Variants in AGBL1 observed in about 807,000 individuals in gnomAD.
AGBL1 encodes AGBL carboxypeptidase 1, also known as cytosolic carboxypeptidase 4.
In AGBL1, 130 loss-of-function variants were observed where a neutral mutation model predicts 118.9. The ratio of observed to expected loss-of-function variants is 1.09; its 90% CI spans 0.95 to 1.26. AGBL1 has a LOEUF of 1.26. AGBL1 is among the 50% of genes most tolerant of loss of function. The probability of loss-of-function intolerance (pLI) is 0.00; values close to 1 mark genes in which losing one functional copy is unlikely to be tolerated. For missense variants in AGBL1, 1,584 were observed against 1,298.1 expected (o/e 1.22, Z -3.38); for synonymous variants, 555 against 478.9 (o/e 1.16, Z -2.08).
At chr15:86,937,019 A>G (rs1290977469) in intron 23 of AGBL1, among the ~76,000 whole-genome samples, 1 of 152,254 alleles carries the variant, frequency 6.6e-6, no homozygotes, top group East Asian at 1.9e-4. Flanking sequence ...TTTCAAAAGA[A>G]GACATACATG....
chr15:86,818,454 C>G (rs1314744912), intron 22 of AGBL1, among the ~76,000 whole-genome samples: 1 of 152,160 alleles, frequency 6.6e-6, no homozygotes, highest in Non-Finnish European at 1.5e-5. Flanking sequence ...GAATCTAATG[C>G]CTAATGCCTA....
intron 18 of AGBL1, among the ~76,000 whole-genome samples, chr15:86,440,484 G>GAAGAATAATAATAATAAT (rs137960742): frequency 2.8e-5 from 4 of 144,504 alleles, no homozygotes; most frequent in Non-Finnish European, 6.0e-5. Context: ...ATGGGATGGA[G>GAAGAATAATAATAATAAT]AATAATAATA....
At chr15:86,147,374 A>G (rs2077046796) in intron 3 of AGBL1, among the ~76,000 whole-genome samples, 1 of 152,324 alleles carries the variant, frequency 6.6e-6, no homozygotes, top group East Asian at 1.9e-4. Context: ...GGAAGCCCTG[A>G]CAGACTACCT....
At chr15:86,617,768 A>G (rs888263392) in intron 21 of AGBL1, among the ~76,000 whole-genome samples, 9 of 149,358 alleles carry the variant, frequency 6.0e-5, no homozygotes, top group East Asian at 1.9e-4. Flanking sequence ...GCGCACACAC[A>G]CACACACACA....
At chr15:86,977,357 G>A (rs59152382) in intron 23 of AGBL1, among the ~76,000 whole-genome samples, 6,073 of 150,784 alleles carry the variant, frequency 0.04, 151 homozygotes, top group Middle Eastern at 0.07. Context: ...GTAATGTGTG[G>A]TAAGTTCCTT....
chr15:86,191,369 A>AAAAG (rs1247744212), intron 5 of AGBL1, among the ~76,000 whole-genome samples: 34 of 145,140 alleles, frequency 2.3e-4, no homozygotes, highest in African/African-American at 8.7e-4. Context: ...AAAAAAAAAA[A>AAAAG]AGAGAGAGAG....
chr15:86,882,097 A>T (rs1030643972), intron 22 of AGBL1, among the ~76,000 whole-genome samples: 4 of 152,140 alleles, frequency 2.6e-5, no homozygotes, highest in Non-Finnish European at 5.9e-5. Context: ...CCCGTATCCA[A>T]CCTCTCTTGA....
chr15:86,289,681 T>C (rs1164370164), intron 16 of AGBL1, among the ~76,000 whole-genome samples: 2 of 152,208 alleles, frequency 1.3e-5, no homozygotes, highest in Admixed American at 1.3e-4. Flanking sequence ...AAAAATTGCA[T>C]GCCTCTTACC....
chr15:86,348,433 G>A (rs2080573380), intron 17 of AGBL1, among the ~76,000 whole-genome samples: 1 of 152,194 alleles, frequency 6.6e-6, no homozygotes. Flanking sequence ...TTTCCTCCAG[G>A]AGACTTTTGG....
chr15:86,225,917 T>A (rs1329175948), intron 6 of AGBL1, among the ~76,000 whole-genome samples: 1 of 152,174 alleles, frequency 6.6e-6, no homozygotes, highest in African/African-American at 2.4e-5. Context: ...TTTATAGGCT[T>A]AGAAAAATTG....
intron 18 of AGBL1, among the ~76,000 whole-genome samples, chr15:86,438,481 A>T (rs1352387464): frequency 2.0e-5 from 3 of 152,080 alleles, no homozygotes; most frequent in African/African-American, 7.2e-5. Flanking sequence ...CTCTATCACC[A>T]TCCAGGGTTA....
downstream of AGBL1, among the ~76,000 whole-genome samples, chr15:86,919,239 C>G (rs528220847): frequency 2.0e-5 from 3 of 152,266 alleles, no homozygotes; most frequent in African/African-American, 7.2e-5. Flanking sequence ...TCAACAAGAC[C>G]GCTTAGCAAA....
At chr15:86,569,460 A>G (rs936839043) in intron 21 of AGBL1, among the ~76,000 whole-genome samples, 4 of 151,412 alleles carry the variant, frequency 2.6e-5, no homozygotes, top group African/African-American at 9.7e-5. Flanking sequence ...TCATTTTAGT[A>G]GAAATACTAT....
At chr15:86,755,580 G>A (rs1004614431) in intron 22 of AGBL1, among the ~76,000 whole-genome samples, 1 of 152,056 alleles carries the variant, frequency 6.6e-6, no homozygotes, top group Non-Finnish European at 1.5e-5. Context: ...CCTCTTCCAA[G>A]GATTCTTCCC....
intron 22 of AGBL1, among the ~76,000 whole-genome samples, chr15:86,837,073 A>T (rs142551186): frequency 2.0e-5 from 3 of 152,246 alleles, no homozygotes; most frequent in African/African-American, 4.8e-5. Context: ...CCTTTCCCCA[A>T]ATAAAAATTG....
At chr15:86,988,886 T>C (rs992831833) in intron 24 of AGBL1, among the ~76,000 whole-genome samples, 3 of 152,154 alleles carry the variant, frequency 2.0e-5, no homozygotes, top group Non-Finnish European at 4.4e-5. Flanking sequence ...TTATGACAAG[T>C]ATTTATTCAT....
chr15:86,089,224 G>A (rs1272875207), intron 1 of AGBL1, among the ~76,000 whole-genome samples: 1 of 152,212 alleles, frequency 6.6e-6, no homozygotes, highest in East Asian at 1.9e-4. Context: ...CTCTTGGTTT[G>A]GAAACTGGTT....
chr15:86,601,460 T>C (rs2084491956), intron 21 of AGBL1, among the ~76,000 whole-genome samples: 2 of 152,172 alleles, frequency 1.3e-5, no homozygotes, highest in South Asian at 4.1e-4. Flanking sequence ...TTCACAAAAA[T>C]GTGGCTTTAA....
intron 22 of AGBL1, among the ~76,000 whole-genome samples, chr15:86,831,470 G>A (rs1423810331): frequency 3.3e-5 from 5 of 152,130 alleles, no homozygotes; most frequent in Non-Finnish European, 5.9e-5. Flanking sequence ...ACAGGTATTG[G>A]GTAAATACAC....
Sources: gnomAD v4.1 joint callset for allele counts (sites outside exome capture counted in the v4.1 genomes callset) on GRCh38, gnomAD v4.1.1 for gene constraint, MANE v1.5 for transcripts, NCBI Gene and HGNC (gene_info 2026-07-23, HGNC 2026-07-21) for gene names.